Variants in UQCC1 observed in about 807,000 individuals in gnomAD.
The protein encoded by UQCC1 is ubiquinol-cytochrome c reductase complex assembly factor 1.
UQCC1 carries 38 observed loss-of-function variants against 48.0 expected under a neutral mutation model. That is an observed-to-expected ratio of 0.79 (90% CI 0.61 to 1.04). UQCC1 has a LOEUF of 1.04. Ranked by LOEUF, UQCC1 falls within the 50% of genes least tolerant of loss-of-function variation. UQCC1 has a pLI of 0.00. For synonymous variants in UQCC1, 111 were observed against 129.2 expected (o/e 0.86, Z 0.95); for missense variants, 368 against 381.8 (o/e 0.96, Z 0.30).
chr20:35,358,356 CA>C (rs1198006186), intron 6 of UQCC1, among the ~76,000 whole-genome samples: 280 of 49,384 alleles, frequency 5.7e-3, no homozygotes, highest in African/African-American at 9.6e-3. Flanking sequence ...GACTCTGTCT[CA>C]AAAAAAAAAA....
At chr20:35,357,206 G>A (rs987974781) in intron 6 of UQCC1, among the ~76,000 whole-genome samples, 16 of 152,058 alleles carry the variant, frequency 1.1e-4, no homozygotes, top group Admixed American at 5.9e-4. Context: ...ACAACATGAC[G>A]AAACCTCATC....
At chr20:35,392,199 A>T (rs1420053715) in intron 2 of UQCC1, 1 of 1,294,436 alleles carries the variant, frequency 7.7e-7, no homozygotes, top group Non-Finnish European at 1.0e-6. Context: ...ACTCTTTCTC[A>T]TTCTGAGCCA....
chr20:35,387,552 G>A (rs189057142), intron 2 of UQCC1, among the ~76,000 whole-genome samples: 22 of 150,518 alleles, frequency 1.5e-4, no homozygotes, highest in Admixed American at 7.3e-4. Flanking sequence ...TTTGGAGAAC[G>A]TCCAAAAAAA....
At chr20:35,346,901 C>A (rs2061437178) in intron 7 of UQCC1, 4 of 1,268,784 alleles carry the variant, frequency 3.2e-6, no homozygotes, top group Admixed American at 2.6e-5. Context: ...CTCCTATCAC[C>A]ACGATTTGGG....
intron 5 of UQCC1, among the ~76,000 whole-genome samples, chr20:35,373,416 C>T (rs1165590626): frequency 6.6e-6 from 1 of 152,132 alleles, no homozygotes; most frequent in African/African-American, 2.4e-5. Flanking sequence ...CAGTGGCTCA[C>T]GCCTGTAATC....
At chr20:35,382,863 G>A (rs774041315) in intron 3 of UQCC1, among the ~76,000 whole-genome samples, 1 of 152,094 alleles carries the variant, frequency 6.6e-6, no homozygotes, top group Admixed American at 6.6e-5. Context: ...ATTTGGAACT[G>A]TACCTAATAG....
At chr20:35,394,882 T>G (rs887548349) in intron 1 of UQCC1, among the ~76,000 whole-genome samples, 1 of 152,172 alleles carries the variant, frequency 6.6e-6, no homozygotes, top group Non-Finnish European at 1.5e-5. Flanking sequence ...ACTCACACTT[T>G]TGTCCAACTT....
intron 8 of UQCC1, chr20:35,309,083 C>T: frequency 2.2e-6 from 1 of 451,182 alleles, no homozygotes; most frequent in Non-Finnish European, 4.5e-6. Flanking sequence ...GAACTAGAAC[C>T]AGCATGCATT....
chr20:35,389,672 G>C (rs2061990257), intron 2 of UQCC1, among the ~76,000 whole-genome samples: 2 of 152,090 alleles, frequency 1.3e-5, no homozygotes, highest in South Asian at 4.1e-4. Context: ...AAATAAATGG[G>C]GAAGAAGTGA....
At chr20:35,332,878 T>C (rs1459560360) in intron 7 of UQCC1, among the ~76,000 whole-genome samples, 2 of 152,196 alleles carry the variant, frequency 1.3e-5, no homozygotes, top group Non-Finnish European at 2.9e-5. Flanking sequence ...CATCCTTCTG[T>C]AATCGTTTCA....
rs2061874811 is a variant in UQCC1, at chr20:35,381,933, C to T, written c.318G>A (p.Leu106=). 6.2e-7 allele frequency: 1 copy of T among 1,604,312 alleles called. No individual in the cohort carries two copies. The highest frequency in any genetic ancestry group is 1.3e-5 in the African/African-American group (1 of 74,628). Residue 106 remains leucine, a synonymous_variant, in exon 4 of 10, where the codon TTG becomes TTA. Coordinates refer to ENST00000374385, the MANE Select transcript of UQCC1 (RefSeq NM_018244.5). The part of the protein sequence containing the change: ...IIEAMGFTGP[L]KYSKWKIKIA... ...AGGACTTTACCCATTTACTGTATTT[C>T]AAAGGTCCCGTGAATCCCATGGCTT... is the stretch of plus-strand genomic sequence containing the variant.
chr20:35,374,239 G>A lies in UQCC1; in HGVS notation c.351C>T (p.Ala117=). 1.2e-6 allele frequency: 2 copies of A among 1,611,208 alleles called. No individual in the cohort carries two copies. Among genetic ancestry groups the A allele is most frequent in the Non-Finnish European group, 1.7e-6 (2 of 1,178,830 alleles). Residue 117 remains alanine, a synonymous_variant, in exon 5 of 10, where the codon GCC becomes GCT. Coordinates refer to ENST00000374385, the MANE Select transcript of UQCC1 (RefSeq NM_018244.5). The part of the protein sequence containing the change: ...KYSKWKIKIA[A]LRMYTSCVEK... Reference sequence around the variant, plus strand: ...CCACACAGCTAGTATACATGCGCAGGGCCGCAATCTTAATCTTCTAGACAA... The same window carrying A: ...CCACACAGCTAGTATACATGCGCAGAGCCGCAATCTTAATCTTCTAGACAA...
rs2062047178 is a variant in UQCC1, at chr20:35,394,199, A to G, written c.25-3T>C. The G allele has an allele frequency of 6.2e-7, 1 of 1,611,520 alleles. No individual in the cohort carries two copies. Among genetic ancestry groups the G allele is most frequent in the Non-Finnish European group, 8.5e-7 (1 of 1,177,766 alleles). ...TGAGAAATGCTAGTCTGGTTCCTCTAAAGAAAGAAAATAATAATCTGTCAG... is the reference window on the plus strand; with the variant it reads ...TGAGAAATGCTAGTCTGGTTCCTCTGAAGAAAGAAAATAATAATCTGTCAG... On this transcript the variant is annotated splice_region_variant and splice_polypyrimidine_tract_variant and intron_variant, in intron 1 of 9. Coordinates refer to ENST00000374385, the MANE Select transcript of UQCC1 (RefSeq NM_018244.5).
intron 6 of UQCC1, among the ~76,000 whole-genome samples, chr20:35,349,123 T>C (rs1483191833): frequency 6.6e-6 from 1 of 152,204 alleles, no homozygotes. Flanking sequence ...GCAATAGTAA[T>C]GGTACAATGA....
chr20:35,335,166 AAAC>A lies in UQCC1; in HGVS notation c.573+11995_573+11997del, dbSNP rs543651207. 2.3e-4 allele frequency among the ~76,000 whole-genome samples: 35 copies of A among 152,370 alleles called. No homozygotes were observed. The South Asian group carries it at 7.0e-3, about 31-fold the overall frequency. On this transcript the variant is annotated intron_variant, in intron 7 of 9. Transcript: ENST00000374385. Reference sequence around the variant, plus strand: ...AACAATGGAAATCATCTAGGAATTCAAACAACTTGATAAAAGACACAATATCTG... The same window carrying A: ...AACAATGGAAATCATCTAGGAATTCAAACTTGATAAAAGACACAATATCTG...
chr20:35,371,354 T>C (rs1246445402), intron 5 of UQCC1, among the ~76,000 whole-genome samples: 1 of 151,272 alleles, frequency 6.6e-6, no homozygotes, highest in Non-Finnish European at 1.5e-5. Context: ...GTTTTTTTTT[T>C]TGAGATGGAG....
Position 35,306,755 on chromosome 20 carries a change from GC to G in UQCC1, c.675del (p.Leu226TrpfsTer24), listed in dbSNP as rs1430858166. The G allele has an allele frequency of 6.2e-7, 1 of 1,614,030 alleles. No homozygotes were observed. Among genetic ancestry groups the G allele is most frequent in the Admixed American group, 1.7e-5 (1 of 60,016 alleles). ...AAGGTTCTCCAGAGGGCAGCGGCCA[GC>G]CCATGATCATCTGAAAGGATCCCCT... Reference protein sequence around the residue: ...YDEGILSDDHGLAAALWRTFF... With the variant: ...YDEGILSDDHXLAAALWRTFF... On this transcript the variant is annotated frameshift_variant, in exon 9 of 10. Transcript: ENST00000374385. LOFTEE classifies it high-confidence loss of function.
chr20:35,409,489 T>C (rs1458815475), intron 1 of UQCC1: 6 of 176,960 alleles, frequency 3.4e-5, no homozygotes, highest in Admixed American at 3.2e-4. Context: ...AAAAAAAAGT[T>C]TAAAAGGTAA....
At chr20:35,340,022 T>C (rs2061360270) in intron 7 of UQCC1, among the ~76,000 whole-genome samples, 1 of 152,152 alleles carries the variant, frequency 6.6e-6, no homozygotes, top group Non-Finnish European at 1.5e-5. Flanking sequence ...GGGTTCTATA[T>C]GCATCCTTAC....
Sources: allele counts gnomAD v4.1 joint callset (sites outside exome capture counted in the v4.1 genomes callset), GRCh38; gene constraint gnomAD v4.1.1; transcripts MANE v1.5; gene names NCBI Gene and HGNC (gene_info 2026-07-23, HGNC 2026-07-21).